ADAMTSL1: variants seen among roughly 807,000 people sequenced by gnomAD.
ADAMTSL1 encodes ADAMTS-like protein 1.
Under a neutral mutation model 201.8 loss-of-function variants are expected in ADAMTSL1, and 126 were observed. That is an observed-to-expected ratio of 0.62 (90% CI 0.54 to 0.72). The LOEUF (loss-of-function observed/expected upper bound fraction) is 0.72. ADAMTSL1 is among the 30% of genes least tolerant of loss of function. ADAMTSL1 has a pLI of 0.00. For missense variants in ADAMTSL1, 2,679 were observed against 2,277.8 expected (o/e 1.18, Z -3.59); for synonymous variants, 1,121 against 903.4 (o/e 1.24, Z -4.32).
chr9:18,196,780 C>G (rs1411580508), intron 2 of ADAMTSL1, among the ~76,000 whole-genome samples: 1 of 152,066 alleles, frequency 6.6e-6, no homozygotes, highest in African/African-American at 2.4e-5. Flanking sequence ...TTCCTCACAC[C>G]AAACTCCTTT....
chr9:18,235,113 A>G (rs1197652761), intron 2 of ADAMTSL1, among the ~76,000 whole-genome samples: 1 of 152,152 alleles, frequency 6.6e-6, no homozygotes, highest in African/African-American at 2.4e-5. Flanking sequence ...CTGGTCTGGA[A>G]TCACATCCTG....
intron 5 of ADAMTSL1, among the ~76,000 whole-genome samples, chr9:18,626,090 C>A (rs1353872347): frequency 6.6e-6 from 1 of 152,126 alleles, no homozygotes; most frequent in Non-Finnish European, 1.5e-5. Flanking sequence ...TTTCCACCTG[C>A]CCCTGGCTGC....
intron 1 of ADAMTSL1, among the ~76,000 whole-genome samples, chr9:17,918,985 A>C (rs981096010): frequency 6.6e-6 from 1 of 151,826 alleles, no homozygotes; most frequent in African/African-American, 2.4e-5. Context: ...GGCTATATTA[A>C]TATTAGACAA....
intron 1 of ADAMTSL1, among the ~76,000 whole-genome samples, chr9:17,979,250 A>G (rs1307498874): frequency 3.3e-5 from 5 of 151,976 alleles, no homozygotes; most frequent in Non-Finnish European, 7.4e-5. Flanking sequence ...ATTTCTTTAT[A>G]TATTACCCTG....
intron 2 of ADAMTSL1, among the ~76,000 whole-genome samples, chr9:18,183,970 T>A (rs1261207038): frequency 1.3e-5 from 2 of 152,192 alleles, no homozygotes; most frequent in South Asian, 2.1e-4. Flanking sequence ...TCTGAGACAT[T>A]GTTTTTCAGA....
intron 15 of ADAMTSL1, among the ~76,000 whole-genome samples, chr9:18,724,710 A>G (rs1817760205): frequency 6.6e-6 from 1 of 152,164 alleles, no homozygotes; most frequent in South Asian, 2.1e-4. Flanking sequence ...TATATAAATG[A>G]GTATGAAGGA....
In ADAMTSL1 at chr9:18,887,853, T is replaced by G; in HGVS notation, c.4272T>G (p.Pro1424=). The stretch of plus-strand genomic sequence containing the variant: ...TAGGCTGCCCCATCAAAGGTCACCC[T>G]GTCCCTAATATCACCTGGTTTCATG... ...ALLGCPIKGH[P]VPNITWFHGG... The change falls in exon 24 of 29, where the codon CCT becomes CCG. Residue 1424 remains proline, a synonymous_variant. Coordinates refer to ENST00000380548, the MANE Select transcript of ADAMTSL1 (RefSeq NM_001040272.6). 1.2e-6 allele frequency: 2 copies of G among 1,613,936 alleles called. No individual in the cohort carries two copies. Among genetic ancestry groups the G allele is most frequent in the Non-Finnish European group, 1.7e-6 (2 of 1,179,876 alleles).
intron 1 of ADAMTSL1, among the ~76,000 whole-genome samples, chr9:17,941,342 G>C (rs1292453153): frequency 6.6e-6 from 1 of 152,056 alleles, no homozygotes; most frequent in Non-Finnish European, 1.5e-5. Flanking sequence ...TGCTTCAGTT[G>C]CCAGCCACAG....
intron 1 of ADAMTSL1, among the ~76,000 whole-genome samples, chr9:18,488,418 T>C (rs1482468367): frequency 6.6e-6 from 1 of 152,204 alleles, no homozygotes; most frequent in African/African-American, 2.4e-5. Context: ...CCCTCCTACT[T>C]CAATGAGTAT....
rs1291772314 is a variant in ADAMTSL1, at chr9:18,524,675, C to T, written c.192-8572C>T. Among the ~76,000 whole-genome samples, 8 of 152,138 alleles carry T rather than the reference C, an allele frequency of 5.3e-5. No homozygotes were observed. In the East Asian group the frequency reaches 9.7e-4, roughly 18 times the overall value. On this transcript the variant is annotated intron_variant, in intron 2 of 28. Transcript: ENST00000380548. ...AGGGGTGTTGAATTTTATTGAAGGC[C>T]TTTTCTGCATCTATTGAGATAATCA... is the stretch of plus-strand genomic sequence containing the variant.
At chr9:18,466,560 A>G (rs1821013313) in intron 2 of ADAMTSL1, among the ~76,000 whole-genome samples, 1 of 152,204 alleles carries the variant, frequency 6.6e-6, no homozygotes, top group Non-Finnish European at 1.5e-5. Context: ...AATTAGGTTA[A>G]TTTAGCCATT....
chr9:18,060,611 C>G lies in ADAMTSL1; in HGVS notation c.88-103251C>G, dbSNP rs974376316. ...TTATTATGCTCTGCCTACTTAACAA[C>G]AAAACAAAAACCATAAAACAATAAA... On this transcript the variant is annotated intron_variant, in intron 1 of 29. Transcript: ENST00000680146. 2.6e-5 allele frequency among the ~76,000 whole-genome samples: 4 copies of G among 152,180 alleles called. 1 individual carries two copies. The highest frequency in any genetic ancestry group is 6.8e-3 in the Middle Eastern group (2 of 294).
chr9:18,326,239 A>G (rs1195079989), intron 2 of ADAMTSL1, among the ~76,000 whole-genome samples: 3 of 152,202 alleles, frequency 2.0e-5, no homozygotes, highest in Non-Finnish European at 4.4e-5. Context: ...AAACTTATCT[A>G]TAGTAATTGG....
chr9:18,029,636 G>A (rs908460473), intron 1 of ADAMTSL1, among the ~76,000 whole-genome samples: 33 of 151,442 alleles, frequency 2.2e-4, no homozygotes, highest in South Asian at 4.2e-4. Context: ...GAAAATTTTC[G>A]CAACCTACTC....
chr9:18,502,310 G>C (rs2131914225), intron 1 of ADAMTSL1, among the ~76,000 whole-genome samples: 1 of 152,298 alleles, frequency 6.6e-6, no homozygotes, highest in Non-Finnish European at 1.5e-5. Context: ...AGTAAAATGA[G>C]AGAAATCGCA....
At chr9:18,240,648 TCATTGAATATAAGATGC>T (rs1415401824) in intron 2 of ADAMTSL1, among the ~76,000 whole-genome samples, 1 of 152,196 alleles carries the variant, frequency 6.6e-6, no homozygotes. Flanking sequence ...GTATAAGATA[TCATTGAATATAAGATGC>T]CATTGAATAT....
intron 1 of ADAMTSL1, among the ~76,000 whole-genome samples, chr9:17,933,296 G>C (rs1826871596): frequency 6.6e-6 from 1 of 152,030 alleles, no homozygotes; most frequent in Admixed American, 6.6e-5. Flanking sequence ...CTTCTCCTCT[G>C]TATGGGTCAA....
At chr9:18,858,101 T>C (rs985576862) in intron 23 of ADAMTSL1, among the ~76,000 whole-genome samples, 11 of 152,202 alleles carry the variant, frequency 7.2e-5, no homozygotes, top group African/African-American at 2.2e-4. Context: ...ACACACACAC[T>C]AATATAATCA....
intron 3 of ADAMTSL1, among the ~76,000 whole-genome samples, chr9:18,551,607 G>A (rs1820804455): frequency 6.7e-6 from 1 of 149,428 alleles, no homozygotes; most frequent in Non-Finnish European, 1.5e-5. Flanking sequence ...AATGAGTTTT[G>A]GAGGCAAACT....
Sources: allele counts gnomAD v4.1 joint callset (sites outside exome capture counted in the v4.1 genomes callset), GRCh38; gene constraint gnomAD v4.1.1; transcripts MANE v1.5; gene names NCBI Gene and HGNC (gene_info 2026-07-23, HGNC 2026-07-21).